ESYT2: variants seen among roughly 807,000 people sequenced by gnomAD.
ESYT2 encodes the protein extended synaptotagmin-2.
Under a neutral mutation model 107.2 loss-of-function variants are expected in ESYT2, and 54 were observed. The ratio of observed to expected loss-of-function variants is 0.50; its 90% CI spans 0.40 to 0.63. The LOEUF (loss-of-function observed/expected upper bound fraction) is 0.63, where lower values mean the gene tolerates loss of function less well. Among genes scored for constraint, ESYT2 ranks in the 30% least tolerant of loss-of-function variants. The pLI is 0.00. For missense variants in ESYT2, 1,020 were observed against 1,094.5 expected, an observed-to-expected ratio of 0.93 and a Z score of 0.96; for synonymous variants, 491 against 434.1, an observed-to-expected ratio of 1.13 and a Z score of -1.63.
chr7:158,767,768 TAAAC>T lies in ESYT2; in HGVS notation c.806_809del (p.Gly269AspfsTer9). 1 of 1,611,322 alleles carries T rather than the reference TAAAC, an allele frequency of 6.2e-7. No individual in the cohort carries two copies. The highest frequency in any genetic ancestry group is 8.5e-7 in the Non-Finnish European group (1 of 1,178,522). Reference sequence around the variant, plus strand: ...TTATATCCAAAATGATAGTATCTGATAAACCACTGTTAGTTGGGAGACAAAAAGA... The same window carrying T: ...TTATATCCAAAATGATAGTATCTGATCACTGTTAGTTGGGAGACAAAAAGA... On this transcript the variant is annotated frameshift_variant and splice_region_variant, in exon 8 of 23. Transcript: ENST00000275418. LOFTEE classifies it high-confidence loss of function.
At chr7:158,759,673 A>G (rs1322978039) in intron 12 of ESYT2, 92 bp from the exon 13 acceptor site, 3 of 1,073,810 alleles carry the variant, frequency 2.8e-6, no homozygotes, top group Non-Finnish European at 4.0e-6. Context: ...TACGCTAAAA[A>G]TAAGAAAGGT....
intron 6 of ESYT2, among the ~76,000 whole-genome samples, chr7:158,782,099 G>A (rs551654862): frequency 2.6e-5 from 4 of 151,688 alleles, no homozygotes; most frequent in African/African-American, 7.3e-5. Context: ...GTGAGTGAAC[G>A]ACAACAAAGT....
intron 4 of ESYT2, 58 bp downstream of exon 4, chr7:158,793,592 A>G: frequency 7.9e-7 from 1 of 1,261,438 alleles, no homozygotes. Flanking sequence ...TTACAGGTAC[A>G]GCTAAGTGAC....
intron 6 of ESYT2, among the ~76,000 whole-genome samples, chr7:158,777,397 G>A (rs534211420): frequency 1.3e-5 from 2 of 152,238 alleles, no homozygotes; most frequent in Admixed American, 6.5e-5. Context: ...ATCTCATGTC[G>A]AACTGTAATC....
intron 3 of ESYT2, among the ~76,000 whole-genome samples, chr7:158,797,113 G>A (rs1201872949): frequency 6.6e-6 from 1 of 151,864 alleles, no homozygotes; most frequent in Non-Finnish European, 1.5e-5. Flanking sequence ...GCACCCGGTA[G>A]ACCTTGGTGA....
intron 6 of ESYT2, among the ~76,000 whole-genome samples, chr7:158,777,657 C>A (rs1362972899): frequency 2.0e-5 from 3 of 152,028 alleles, no homozygotes; most frequent in Non-Finnish European, 2.9e-5. Flanking sequence ...ACCCTCCTTT[C>A]TTTATAAAAT....
At chr7:158,778,446 T>C (rs1337492930) in intron 6 of ESYT2, among the ~76,000 whole-genome samples, 5 of 147,258 alleles carry the variant, frequency 3.4e-5, no homozygotes, top group Admixed American at 2.0e-4. Context: ...ACTTGTATTA[T>C]GGATAAAAAT....
chr7:158,791,228 T>A (rs1190978566), intron 4 of ESYT2, among the ~76,000 whole-genome samples: 1 of 152,196 alleles, frequency 6.6e-6, no homozygotes, highest in Non-Finnish European at 1.5e-5. Flanking sequence ...GCTTGTTTCC[T>A]TCAGCATAAG....
chr7:158,754,170 GT>G (rs1837675819), intron 13 of ESYT2, among the ~76,000 whole-genome samples: 1 of 152,024 alleles, frequency 6.6e-6, no homozygotes, highest in Non-Finnish European at 1.5e-5. Context: ...TCAGGAAGCA[GT>G]GGGAGCCACC....
rs748880690 is a variant in ESYT2 at position 158,788,047 on chromosome 7, A to G, written c.704T>C (p.Met235Thr). The G allele has an allele frequency of 4.3e-6, 7 of 1,614,180 alleles. No individual in the cohort carries two copies. Among genetic ancestry groups the G allele is most frequent in the Non-Finnish European group, 5.1e-6 (6 of 1,179,992 alleles). The change falls in exon 6 of 23, where the codon ATG becomes ACG. Residue 235 changes from methionine to threonine, a missense_variant. Transcript: ENST00000275418. The part of the protein sequence containing the change: ...RVILEPLIGD[M>T]PLVGALSIFF... ...GATAGACAAAGCTCCAACTAAGGGCATATCTCCAATCAACGGTTCCAGGAT... is the reference window on the plus strand; with the variant it reads ...GATAGACAAAGCTCCAACTAAGGGCGTATCTCCAATCAACGGTTCCAGGAT...
At chr7:158,796,186 C>G (rs1375201395) in intron 3 of ESYT2, among the ~76,000 whole-genome samples, 1 of 152,176 alleles carries the variant, frequency 6.6e-6, no homozygotes, top group East Asian at 1.9e-4. Context: ...TGTGTGTTTA[C>G]AAGAACTATC....
intron 6 of ESYT2, among the ~76,000 whole-genome samples, chr7:158,782,642 G>A (rs903534084): frequency 2.0e-5 from 1 of 49,812 alleles, no homozygotes; most frequent in Non-Finnish European, 7.0e-5. Flanking sequence ...GGGTATGTGA[G>A]AACAAAGAAG....
intron 6 of ESYT2, among the ~76,000 whole-genome samples, chr7:158,780,759 T>C (rs1838750184): frequency 6.6e-6 from 1 of 152,078 alleles, no homozygotes; most frequent in South Asian, 2.1e-4. Context: ...CAGCTGGCTT[T>C]TGAAAGGAAG....
At chr7:158,818,428 G>A (rs1218257017) in intron 1 of ESYT2, among the ~76,000 whole-genome samples, 2 of 152,174 alleles carry the variant, frequency 1.3e-5, no homozygotes, top group Non-Finnish European at 2.9e-5. Flanking sequence ...TAACAACAAA[G>A]CATTATGGTA....
At chr7:158,751,756 C>CA (rs34909229) in intron 14 of ESYT2, among the ~76,000 whole-genome samples, 5,678 of 152,288 alleles carry the variant, frequency 0.037, 344 homozygotes, top group African/African-American at 0.13. Context: ...TTGGAGGTCA[C>CA]ACTGCTTGCT....
rs1836848657 is a variant in ESYT2, at chr7:158,734,489, AG to A, written c.2506-19del. 6.2e-7 allele frequency: 1 copy of A among 1,611,230 alleles called. No homozygotes were observed. Among genetic ancestry groups the A allele is most frequent in the African/African-American group, 1.3e-5 (1 of 74,904 alleles). On this transcript the variant is annotated intron_variant, in intron 21 of 22. Transcript: ENST00000275418. ...ACCAATACCTGTGGGTTGTTAAAAA[AG>A]CAGTTAAAGTAGGCTGGGCTGGGGG...
At chr7:158,782,239 G>A (rs1216362490) in intron 6 of ESYT2, among the ~76,000 whole-genome samples, 2 of 22,512 alleles carry the variant, frequency 8.9e-5, no homozygotes, top group Non-Finnish European at 6.0e-4. Context: ...GTGTAACAAC[G>A]AGTGAGAATG....
intron 1 of ESYT2, among the ~76,000 whole-genome samples, chr7:158,828,558 G>A (rs944806184): frequency 2.0e-5 from 3 of 152,238 alleles, no homozygotes; most frequent in East Asian, 1.9e-4. Flanking sequence ...CTCCGAGAAA[G>A]CCGCGCGGGA....
intron 21 of ESYT2, among the ~76,000 whole-genome samples, chr7:158,735,041 A>AG (rs1836878866): frequency 6.6e-6 from 1 of 152,226 alleles, no homozygotes; most frequent in African/African-American, 2.4e-5. Context: ...GATGACTCAC[A>AG]GAAGGGTTGG....
Sources: allele counts gnomAD v4.1 joint callset (sites outside exome capture counted in the v4.1 genomes callset), GRCh38; gene constraint gnomAD v4.1.1; transcripts MANE v1.5; gene names NCBI Gene and HGNC (gene_info 2026-07-23, HGNC 2026-07-21).